Variants in KCNH2 observed in about 807,000 individuals in gnomAD.
The protein encoded by KCNH2 is voltage-gated inwardly rectifying potassium channel KCNH2.
A neutral mutation model predicts 95.9 loss-of-function variants in KCNH2; 35 were observed. That is an observed-to-expected ratio of 0.37 (90% CI 0.28 to 0.48). KCNH2 has a LOEUF of 0.48. KCNH2 is among the 20% of genes least tolerant of loss of function. The pLI, the probability that KCNH2 is intolerant of heterozygous loss-of-function variation, is 0.99. For missense variants in KCNH2, 1,274 were observed against 1,702.9 expected (o/e 0.75, Z 4.43); for synonymous variants, 786 against 754.7 (o/e 1.04, Z -0.68).
At position 150,947,464 on chromosome 7, in the gene KCNH2, C is replaced by T; in HGVS notation, c.3016G>A (p.Gly1006Ser). 1 of 1,571,852 alleles carries T rather than the reference C, an allele frequency of 6.4e-7. No homozygotes were observed. The highest frequency in any genetic ancestry group is 1.9e-5 in the Admixed American group (1 of 52,786). Residue 1006 changes from glycine to serine, a missense_variant, in exon 13 of 15, where the codon GGC becomes AGC. Transcript: ENST00000262186. ...NIFSFWGDSR[G>S]RQYQELPRCP... Reference sequence around the variant, plus strand: ...CGAGGGAGCTCCTGGTACTGGCGGCCCCGACTGTCCCCCCAGAAGCTGAAA... The same window carrying T: ...CGAGGGAGCTCCTGGTACTGGCGGCTCCGACTGTCCCCCCAGAAGCTGAAA...
In KCNH2 at chr7:150,951,461, G is replaced by A; in HGVS notation, c.1932C>T (p.Val644=). 1 of 1,614,170 alleles carries A rather than the reference G, an allele frequency of 6.2e-7. No individual in the cohort carries two copies. Among genetic ancestry groups the A allele is most frequent in the Non-Finnish European group, 8.5e-7 (1 of 1,180,048 alleles). Residue 644 remains valine, a synonymous_variant, in exon 7 of 15, where the codon GTC becomes GTT. Transcript: ENST00000262186. ...TNSEKIFSIC[V]MLIGSLMYAS... is the part of the protein sequence containing the mutation. ...GGGCACACTCACAGCCAATGAGCAT[G>A]ACGCAGATGGAGAAGATCTTCTCTG...
chr7:150,954,316 CAGA>C (rs1208985771), intron 5 of KCNH2, among the ~76,000 whole-genome samples: 1 of 151,864 alleles, frequency 6.6e-6, no homozygotes, highest in Non-Finnish European at 1.5e-5. Context: ...GATAAGGGGG[CAGA>C]AGAAGGTAGC....
At chr7:150,972,484 A>G (rs571154934) in intron 2 of KCNH2, among the ~76,000 whole-genome samples, 3 of 152,336 alleles carry the variant, frequency 2.0e-5, no homozygotes, top group Admixed American at 6.5e-5. Flanking sequence ...ATCTGTCTGC[A>G]TCACCCCAGG....
chr7:150,945,265 C>T lies in KCNH2; in HGVS notation c.*100G>A. 1 of 1,326,756 alleles carries T rather than the reference C, an allele frequency of 7.5e-7. No homozygotes were observed. The allele number at this position is 1,326,756 out of a possible 1,614,324, so 82.2% of individuals were successfully genotyped here. A position where few individuals can be genotyped will look rare whatever the true frequency, so the allele number is the denominator to read the frequency against. ...GAGCTGTGCTTTCGAGTTCCTCTCC[C>T]CTTCCACGGTCAGGGCCTCCTGAGC... On this transcript the variant is annotated 3_prime_UTR_variant, in exon 15 of 15. Transcript: ENST00000262186. The surrounding 1 kb of genome is among the most constrained non-coding windows in gnomAD (Gnocchi z 5.6).
rs914693367 is a variant in KCNH2 at position 150,945,252 on chromosome 7, C to G, written c.*113G>C. ...AGGGCTGGGGGAGGAGCTGTGCTTT[C>G]GAGTTCCTCTCCCCTTCCACGGTCA... On this transcript the variant is annotated 3_prime_UTR_variant, in exon 15 of 15. Coordinates refer to ENST00000262186, the MANE Select transcript of KCNH2 (RefSeq NM_000238.4). This position sits in a 1 kb window ranked among gnomAD's most constrained non-coding sequence, Gnocchi z 5.6. 8.3e-7 allele frequency: 1 copy of G among 1,201,986 alleles called. No homozygotes were observed. Among genetic ancestry groups the G allele is most frequent in the African/African-American group, 1.5e-5 (1 of 65,386 alleles). The allele number at this position is 1,201,986 out of a possible 1,614,324, so 74.5% of individuals were successfully genotyped here.
chr7:150,955,368 A>G (rs1415559264), intron 5 of KCNH2: 9 of 1,548,010 alleles, frequency 5.8e-6, no homozygotes, highest in Non-Finnish European at 6.1e-6. Context: ...GGCCCCAGAA[A>G]GAAGAGGAAG....
At chr7:150,958,554 C>A in intron 3 of KCNH2, 52 bp from the exon 4 acceptor site, 2 of 1,434,004 alleles carry the variant, frequency 1.4e-6, no homozygotes, top group Non-Finnish European at 1.8e-6. Context: ...AGCCCCGGAG[C>A]GGGCAAGGCC....
At chr7:150,971,479 G>A (rs920183748) in intron 2 of KCNH2, among the ~76,000 whole-genome samples, 8 of 152,070 alleles carry the variant, frequency 5.3e-5, no homozygotes, top group Admixed American at 3.3e-4. Context: ...AGACACCACC[G>A]TCCCCACCCA....
intron 1 of KCNH2, among the ~76,000 whole-genome samples, chr7:150,975,148 C>A (rs1161606736): frequency 6.6e-6 from 1 of 151,912 alleles, no homozygotes; most frequent in Admixed American, 6.6e-5. Flanking sequence ...CGCGGCGCGC[C>A]CCCTCCTCCG....
At chr7:150,949,273 C>A (rs1339058733) in intron 9 of KCNH2, 25 of 1,338,670 alleles carry the variant, frequency 1.9e-5, no homozygotes, top group Non-Finnish European at 2.3e-5. Flanking sequence ...CCCAGGGTCT[C>A]CCAGCAAATG....
At position 150,952,776 on chromosome 7, in the gene KCNH2, A is replaced by T; in HGVS notation, c.1206T>A (p.His402Gln). The change falls in exon 6 of 15, where the codon CAT becomes CAA. Residue 402 changes from histidine to glutamine, a missense_variant. Physicochemically the swap from His to Gln is conservative, Grantham distance 24. Around this residue, in one of 7 missense-constraint regions of KCNH2, gnomAD observed 392 missense variants for 429.9 expected, o/e 0.91. Transcript: ENST00000262186. The surrounding 1 kb of genome is among the most constrained non-coding windows in gnomAD (Gnocchi z 7.3). ...APRIHRWTIL[H>Q]YSPFKAVWDW... ...CCCACACGGCCTTGAAGGGGCTGTA[A>T]TGCAGGATGGTCCAGCGGTGGATGC... 6.2e-7 allele frequency: 1 copy of T among 1,614,148 alleles called. No homozygotes were observed. The highest frequency in any genetic ancestry group is 8.5e-7 in the Non-Finnish European group (1 of 1,180,030).
intron 5 of KCNH2, among the ~76,000 whole-genome samples, chr7:150,954,578 G>A (rs1229691922): frequency 6.6e-6 from 1 of 152,248 alleles, no homozygotes; most frequent in Non-Finnish European, 1.5e-5. Context: ...ATAGAATACT[G>A]AAGCTGGCTT....
rs1237968667 is a variant in KCNH2, at chr7:150,961,866, A to G, written c.308-2130T>C. On this transcript the variant is annotated intron_variant, in intron 2 of 14. Transcript: ENST00000262186. This position sits in a 1 kb window ranked among gnomAD's most constrained non-coding sequence, Gnocchi z 6.2. ...TGGCAGATGCTGGCCAGGCTCGGGGATTCTAACCCGCTGGGGATTCATCTA... is the reference window on the plus strand; with the variant it reads ...TGGCAGATGCTGGCCAGGCTCGGGGGTTCTAACCCGCTGGGGATTCATCTA... Among the ~76,000 whole-genome samples the G allele has an allele frequency of 6.6e-6, 1 of 152,038 alleles. No individual in the cohort carries two copies. The highest frequency in any genetic ancestry group is 2.4e-5 in the African/African-American group (1 of 41,368).
intron 2 of KCNH2, among the ~76,000 whole-genome samples, chr7:150,966,967 AC>A (rs1306905630): frequency 1.3e-5 from 2 of 152,140 alleles, no homozygotes; most frequent in Non-Finnish European, 2.9e-5. Context: ...AATTCAATAA[AC>A]TTTCTCTAAA....
intron 5 of KCNH2, among the ~76,000 whole-genome samples, chr7:150,953,213 C>A (rs1801250703): frequency 6.6e-6 from 1 of 152,218 alleles, no homozygotes; most frequent in African/African-American, 2.4e-5. Flanking sequence ...ACCACACACG[C>A]CATAGTCTCA....
At chr7:150,957,018 C>T (rs12536720) in intron 5 of KCNH2, among the ~76,000 whole-genome samples, 1 of 152,174 alleles carries the variant, frequency 6.6e-6, no homozygotes, top group African/African-American at 2.4e-5. Flanking sequence ...CCCTGTGCCC[C>T]GAAGGCACGC....
intron 2 of KCNH2, among the ~76,000 whole-genome samples, chr7:150,974,041 C>G (rs1009987315): frequency 1.1e-4 from 16 of 152,360 alleles, no homozygotes; most frequent in Non-Finnish European, 1.5e-4. Flanking sequence ...TTTATCCGCT[C>G]TCCGGAAGCC....
At chr7:150,953,704 G>A (rs2269000) in intron 5 of KCNH2, among the ~76,000 whole-genome samples, 39,822 of 152,026 alleles carry the variant, frequency 0.26, 5,889 homozygotes, top group East Asian at 0.65. Flanking sequence ...AAGAGCTCCG[G>A]CCAGCTTCTC....
In KCNH2 at chr7:150,957,460, G is replaced by A. The variant is rs199472886; in HGVS notation, c.959C>T (p.Ser320Leu). The A allele has an allele frequency of 4.3e-6, 7 of 1,614,112 alleles. No homozygotes were observed. Among genetic ancestry groups the A allele is most frequent in the African/African-American group, 1.3e-5 (1 of 75,068 alleles). The change falls in exon 5 of 15, where the codon TCG becomes TTG. Residue 320 changes from serine (S) to leucine (L), a missense_variant. By Grantham distance (145) the Ser-to-Leu change is moderately radical. Around this residue, in one of 7 missense-constraint regions of KCNH2, gnomAD observed 392 missense variants for 429.9 expected, o/e 0.91. Transcript: ENST00000262186. ...GCGGTAGCGCACGAGGTCGGAGTCC[G>A]AGGTGGAGTTGAGCAAGCCGCTGCG... ...PLRSGLLNST[S>L]DSDLVRYRTI...
Sources: allele counts gnomAD v4.1 joint callset (sites outside exome capture counted in the v4.1 genomes callset), GRCh38; gene constraint gnomAD v4.1.1; regional missense constraint gnomAD v4.1.1; non-coding constraint Gnocchi (gnomAD v3.1); transcripts MANE v1.5; gene names NCBI Gene and HGNC (gene_info 2026-07-23, HGNC 2026-07-21).